ZNF407: variants seen among roughly 807,000 people sequenced by gnomAD.
ZNF407 encodes zinc finger protein 407.
A neutral mutation model predicts 131.2 loss-of-function variants in ZNF407; 17 were observed. That is an observed-to-expected ratio of 0.13 (90% CI 0.09 to 0.19). ZNF407 has a LOEUF of 0.19. Among genes scored for constraint, ZNF407 ranks in the 10% least tolerant of loss-of-function variants. The pLI, the probability that ZNF407 is intolerant of heterozygous loss-of-function variation, is 1.00. For missense variants in ZNF407, 2,681 were observed against 2,830.6 expected (o/e 0.95, Z 1.20); for synonymous variants, 1,156 against 1,062.0 (o/e 1.09, Z -1.72).
chr18:74,826,997 C>A (rs770391884), intron 4 of ZNF407, among the ~76,000 whole-genome samples: 7 of 152,196 alleles, frequency 4.6e-5, no homozygotes, highest in Non-Finnish European at 7.3e-5. Flanking sequence ...ATTCAGGTTT[C>A]CCCTGTCCCA....
intron 4 of ZNF407, among the ~76,000 whole-genome samples, chr18:74,859,817 A>G (rs1174716663): frequency 1.3e-5 from 2 of 152,130 alleles, no homozygotes; most frequent in Non-Finnish European, 2.9e-5. Context: ...ACAGGATAGG[A>G]CCTGGCCCCA....
At chr18:74,658,103 T>C (rs1985553221) in intron 3 of ZNF407, among the ~76,000 whole-genome samples, 1 of 148,024 alleles carries the variant, frequency 6.8e-6, no homozygotes, top group Non-Finnish European at 1.5e-5. Flanking sequence ...GCAGCAGTTG[T>C]CTTTATTTAT....
At chr18:74,753,113 A>G (rs910550569) in intron 3 of ZNF407, among the ~76,000 whole-genome samples, 1 of 151,972 alleles carries the variant, frequency 6.6e-6, no homozygotes, top group Admixed American at 6.6e-5. Flanking sequence ...TTGGATTCCT[A>G]CATTCCTAGG....
intron 8 of ZNF407, among the ~76,000 whole-genome samples, chr18:75,020,098 T>G (rs1973089715): frequency 6.6e-6 from 1 of 152,186 alleles, no homozygotes; most frequent in Non-Finnish European, 1.5e-5. Flanking sequence ...CTTATTTTAC[T>G]TCGTAATAGC....
intron 8 of ZNF407, 132 bp downstream of exon 8, chr18:74,920,824 C>G: frequency 7.6e-7 from 1 of 1,315,916 alleles, no homozygotes; most frequent in Non-Finnish European, 9.8e-7. Context: ...GCTTCAAGAC[C>G]TATAGAAAAG....
In ZNF407 at chr18:74,634,276, G is replaced by T. The variant is rs771095799; in HGVS notation, c.3257G>T (p.Gly1086Val). The T allele has an allele frequency of 1.9e-6, 3 of 1,614,006 alleles. No homozygotes were observed. The highest frequency in any genetic ancestry group is 1.7e-5 in the Admixed American group (1 of 60,020). ...CTCAACTCTGCTAATGTAGAAGCTGGTTCTGCAGACATGTCCAAAAACATC... is the reference window on the plus strand; with the variant it reads ...CTCAACTCTGCTAATGTAGAAGCTGTTTCTGCAGACATGTCCAAAAACATC... ...SYLNSANVEA[G>V]SADMSKNIIM... Residue 1086 changes from glycine (G) to valine (V), a missense_variant, in exon 2 of 9, where the codon GGT (glycine) becomes GTT (valine). Transcript: ENST00000299687.
intron 4 of ZNF407, among the ~76,000 whole-genome samples, chr18:74,857,222 A>G (rs929032823): frequency 6.6e-6 from 1 of 152,236 alleles, no homozygotes; most frequent in Non-Finnish European, 1.5e-5. Flanking sequence ...AGAGGCTGAT[A>G]TTCGACGTGT....
chr18:74,637,575 C>T (rs1984518356), intron 2 of ZNF407, among the ~76,000 whole-genome samples: 1 of 151,956 alleles, frequency 6.6e-6, no homozygotes, highest in Non-Finnish European at 1.5e-5. Flanking sequence ...CTACCAAGAG[C>T]CCTGTTCCTG....
chr18:74,739,193 T>A (rs1243211655), intron 3 of ZNF407, among the ~76,000 whole-genome samples: 1 of 151,218 alleles, frequency 6.6e-6, no homozygotes, highest in Non-Finnish European at 1.5e-5. Flanking sequence ...TTTATATATA[T>A]TAGAATTTAT....
chr18:74,659,222 C>T (rs1332280543), intron 3 of ZNF407, among the ~76,000 whole-genome samples: 1 of 151,804 alleles, frequency 6.6e-6, no homozygotes, highest in Admixed American at 6.6e-5. Flanking sequence ...TCATTTTTAT[C>T]TTTGAAAATT....
chr18:75,019,615 G>A (rs11665334), intron 8 of ZNF407, among the ~76,000 whole-genome samples: 112,802 of 152,032 alleles, frequency 0.74, 43,068 homozygotes, highest in Non-Finnish European at 0.83. Context: ...CCGCTGTAAG[G>A]GCTCCCCACC....
At chr18:75,004,583 C>T (rs1157637184) in intron 8 of ZNF407, among the ~76,000 whole-genome samples, 1 of 152,180 alleles carries the variant, frequency 6.6e-6, no homozygotes, top group Non-Finnish European at 1.5e-5. Flanking sequence ...TCGAGAGCCA[C>T]CTGGTCCTGT....
intron 4 of ZNF407, among the ~76,000 whole-genome samples, chr18:74,853,451 G>T (rs1249984588): frequency 1.3e-5 from 2 of 152,140 alleles, no homozygotes; most frequent in African/African-American, 4.8e-5. Context: ...TGTCTGAGTG[G>T]CCAGACATCC....
intron 7 of ZNF407, among the ~76,000 whole-genome samples, chr18:74,915,494 G>C (rs1971740645): frequency 6.9e-6 from 1 of 145,218 alleles, no homozygotes. Context: ...GTGTGTGTGT[G>C]TGTTCATGCA....
intron 4 of ZNF407, among the ~76,000 whole-genome samples, chr18:74,830,593 TA>T (rs1403130685): frequency 1.3e-5 from 2 of 152,224 alleles, no homozygotes; most frequent in Non-Finnish European, 2.9e-5. Context: ...TTAATTTTTT[TA>T]ATTGACGAAT....
chr18:74,602,789 T>A (rs1477261449), intron 1 of ZNF407, among the ~76,000 whole-genome samples: 1 of 152,212 alleles, frequency 6.6e-6, no homozygotes, highest in Non-Finnish European at 1.5e-5. Flanking sequence ...ATTCAACATT[T>A]TTTTTAGCTC....
chr18:74,827,079 GTTC>G (rs1970419557), intron 4 of ZNF407, among the ~76,000 whole-genome samples: 1 of 152,186 alleles, frequency 6.6e-6, no homozygotes, highest in African/African-American at 2.4e-5. Context: ...ACCTGGAGCA[GTTC>G]TTTAGTTTCT....
intron 8 of ZNF407, among the ~76,000 whole-genome samples, chr18:74,931,878 CT>C (rs1167835279): frequency 5.3e-5 from 8 of 152,130 alleles, no homozygotes; most frequent in Middle Eastern, 3.4e-3. Flanking sequence ...TATTTTTCCC[CT>C]TTTTTCATTA....
intron 4 of ZNF407, among the ~76,000 whole-genome samples, chr18:74,826,213 G>A (rs796582178): frequency 2.0e-5 from 3 of 152,260 alleles, no homozygotes; most frequent in African/African-American, 7.2e-5. Context: ...CTGTATGCAG[G>A]TAAGTCTAGA....
Sources: gnomAD v4.1 joint callset for allele counts (sites outside exome capture counted in the v4.1 genomes callset) on GRCh38, gnomAD v4.1.1 for gene constraint, MANE v1.5 for transcripts, NCBI Gene and HGNC (gene_info 2026-07-23, HGNC 2026-07-21) for gene names.